The following PIKFYVE variants were observed in gnomAD, a reference collection of about 807,000 sequenced individuals.
PIKFYVE encodes 1-phosphatidylinositol 3-phosphate 5-kinase.
In PIKFYVE, 122 loss-of-function variants were observed where a neutral mutation model predicts 257.9. That is an observed-to-expected ratio of 0.47 (90% CI 0.41 to 0.55). The LOEUF (loss-of-function observed/expected upper bound fraction) is 0.55. PIKFYVE is among the 20% of genes least tolerant of loss of function. PIKFYVE has a pLI of 0.00. For missense variants in PIKFYVE, 2,160 were observed against 2,536.6 expected, an observed-to-expected ratio of 0.85 and a Z score of 3.19; for synonymous variants, 892 against 868.9, an observed-to-expected ratio of 1.03 and a Z score of -0.47.
chr2:208,297,930 G>T (rs932999743), intron 7 of PIKFYVE, among the ~76,000 whole-genome samples: 5 of 151,512 alleles, frequency 3.3e-5, no homozygotes, highest in Admixed American at 3.3e-4. Context: ...ATTATGAGAA[G>T]AAACAAATTT....
chr2:208,333,485 G>C lies in PIKFYVE; in HGVS notation c.4134G>C (p.Ala1378=). The C allele has an allele frequency of 6.2e-7, 1 of 1,613,414 alleles. No individual in the cohort carries two copies. The highest frequency in any genetic ancestry group is 8.5e-7 in the Non-Finnish European group (1 of 1,179,628). Reference sequence around the variant, plus strand: ...ATTTCTCCTATAACCAGATGGTGGCGTCTTTCAGGTAAGAAATCCTAGGAA... The same window carrying C: ...ATTTCTCCTATAACCAGATGGTGGCCTCTTTCAGGTAAGAAATCCTAGGAA... ...HQYFSYNQMV[A]SFSYSPIRLL... The change falls in exon 24 of 42, where the codon GCG becomes GCC. Residue 1378 remains alanine (A), a synonymous_variant. Transcript: ENST00000264380.
At chr2:208,299,065 C>T (rs1278957032) in intron 8 of PIKFYVE, among the ~76,000 whole-genome samples, 1 of 152,018 alleles carries the variant, frequency 6.6e-6, no homozygotes, top group Non-Finnish European at 1.5e-5. Context: ...GTCTCAAACT[C>T]CTGACCTCAA....
chr2:208,333,767 C>T lies in PIKFYVE; in HGVS notation c.4142+274C>T, dbSNP rs1414469999. Among the ~76,000 whole-genome samples the T allele has an allele frequency of 3.3e-5, 5 of 152,210 alleles. No individual in the cohort carries two copies. In the South Asian group the frequency reaches 8.3e-4, roughly 25 times the overall value. ...GTGGAGTAATGATTTGAACCTTGGT[C>T]GATCTACTACCAGCCTCACTCTTTT... is the stretch of plus-strand genomic sequence containing the variant. On this transcript the variant is annotated intron_variant, in intron 24 of 41. Coordinates refer to ENST00000264380, the MANE Select transcript of PIKFYVE (RefSeq NM_015040.4).
At chr2:208,351,638 G>A (rs143081382) in intron 38 of PIKFYVE, among the ~76,000 whole-genome samples, 183 bp downstream of exon 38, 14 of 152,226 alleles carry the variant, frequency 9.2e-5, no homozygotes, top group South Asian at 6.2e-4. Context: ...TAGTGCTGGC[G>A]GCGTCTGTTT....
Position 208,273,645 on chromosome 2 carries a change from G to T in PIKFYVE, c.234G>T (p.Gln78His). The T allele has an allele frequency of 6.2e-7, 1 of 1,614,128 alleles. No homozygotes were observed. Among genetic ancestry groups the T allele is most frequent in the Non-Finnish European group, 8.5e-7 (1 of 1,180,014 alleles). Reference sequence around the variant, plus strand: ...TGAGTGGAAGTTGGACCAGCCCTCAGCTCCCTTCGAGGACACAGTCTGTTA... The same window carrying T: ...TGAGTGGAAGTTGGACCAGCCCTCATCTCCCTTCGAGGACACAGTCTGTTA... ...QPLSGSWTSP[Q>H]LPSRTQSVRS... The change falls in exon 3 of 42, where the codon CAG (glutamine) becomes CAT (histidine). Residue 78 changes from glutamine to histidine, a missense_variant. By Grantham distance (24) the Gln-to-His change is conservative. Coordinates refer to ENST00000264380, the MANE Select transcript of PIKFYVE (RefSeq NM_015040.4).
intron 38 of PIKFYVE, among the ~76,000 whole-genome samples, chr2:208,352,273 T>A (rs567531510): frequency 6.6e-6 from 1 of 152,130 alleles, no homozygotes; most frequent in East Asian, 1.9e-4. Flanking sequence ...TGCCCACTTG[T>A]CATTGAGCAG....
rs1183876178 is a variant in PIKFYVE at position 208,325,777 on chromosome 2, A to G, written c.2966A>G (p.Asp989Gly). ...LLPLPVDDQQ[D>G]ALGSEQPETL... ...CCACTCCCTGTGGATGACCAACAAG[A>G]TGCTTTAGGCAGCGAGCAGCCAGAG... The change falls in exon 20 of 42, where the codon GAT becomes GGT. Residue 989 changes from aspartate (D) to glycine (G), a missense_variant. This residue lies in a region of PIKFYVE where 522 missense variants were observed against 514.6 expected (regional missense o/e 1.01). Coordinates refer to ENST00000264380, the MANE Select transcript of PIKFYVE (RefSeq NM_015040.4). 1.9e-6 allele frequency: 3 copies of G among 1,613,980 alleles called. No individual in the cohort carries two copies. Among genetic ancestry groups the G allele is most frequent in the South Asian group, 2.2e-5 (2 of 91,070 alleles).
At position 208,357,226 on chromosome 2, in the gene PIKFYVE, C is replaced by T. The variant is rs145673306; in HGVS notation, c.*1921C>T. On this transcript the variant is annotated 3_prime_UTR_variant, in exon 42 of 42. Transcript: ENST00000264380. ...TATTAACTTACTTTGTGTCTAGGAA[C>T]AATGGATTTTGTATCTGATTTAAAA... is the stretch of plus-strand genomic sequence containing the variant. 5 of 152,270 alleles carry T rather than the reference C, an allele frequency of 3.3e-5. No homozygotes were observed. The East Asian group carries it at 9.6e-4, about 29-fold the overall frequency. The allele number at this position is 152,270 out of a possible 1,614,324, so 9.4% of individuals were successfully genotyped here.
chr2:208,328,400 T>C, intron 21 of PIKFYVE, 120 bp downstream of exon 21: 1 of 1,190,540 alleles, frequency 8.4e-7, no homozygotes, highest in Admixed American at 1.9e-5. Context: ...ACACTGCTGG[T>C]CATATATGAA....
chr2:208,353,803 C>T (rs1457503383), intron 39 of PIKFYVE, 95 bp from the exon 40 acceptor site: 1 of 1,419,610 alleles, frequency 7.0e-7, no homozygotes, highest in African/African-American at 1.4e-5. Flanking sequence ...ATGGTAGTGA[C>T]TATAAGGAGT....
At chr2:208,332,935 A>T (rs1008779397) in intron 23 of PIKFYVE, among the ~76,000 whole-genome samples, 9 of 152,024 alleles carry the variant, frequency 5.9e-5, no homozygotes, top group African/African-American at 1.2e-4. Context: ...TTACGTTTGT[A>T]TTAGAAAAGA....
chr2:208,276,508 A>G (rs1278713788), intron 3 of PIKFYVE, among the ~76,000 whole-genome samples: 1 of 152,208 alleles, frequency 6.6e-6, no homozygotes, highest in Non-Finnish European at 1.5e-5. Flanking sequence ...ACTCGCTTGT[A>G]AAACAGCATT....
chr2:208,352,619 T>C (rs1410612233), intron 38 of PIKFYVE, 35 bp from the exon 39 acceptor site: 66 of 1,608,200 alleles, frequency 4.1e-5, no homozygotes, highest in Non-Finnish European at 5.5e-5. Flanking sequence ...ATAACCCTTT[T>C]TGATAAGAAT....
intron 2 of PIKFYVE, 24 bp downstream of exon 2, chr2:208,271,715 G>T: frequency 6.2e-7 from 1 of 1,600,506 alleles, no homozygotes; most frequent in Non-Finnish European, 8.6e-7. Context: ...AAGATAAGAG[G>T]TTTGATTCAG....
chr2:208,268,766 C>T (rs987459582), intron 1 of PIKFYVE, among the ~76,000 whole-genome samples: 5 of 151,902 alleles, frequency 3.3e-5, no homozygotes, highest in African/African-American at 9.7e-5. Flanking sequence ...CTTCCTCTTT[C>T]CTTCCCCTTC....
At position 208,356,672 on chromosome 2, in the gene PIKFYVE, AAAAG is replaced by A. The variant is rs1700179038; in HGVS notation, c.*1372_*1375del. 4 of 152,632 alleles carry A rather than the reference AAAAG, an allele frequency of 2.6e-5. No homozygotes were observed. Among genetic ancestry groups the A allele is most frequent in the African/African-American group, 4.8e-5 (2 of 41,444 alleles). The allele number at this position is 152,632 out of a possible 1,614,324, so 9.5% of individuals were successfully genotyped here. On this transcript the variant is annotated 3_prime_UTR_variant, in exon 42 of 42. Coordinates refer to ENST00000264380, the MANE Select transcript of PIKFYVE (RefSeq NM_015040.4). The stretch of plus-strand genomic sequence containing the variant: ...GTCTCAAAAAACAAAACGAAACAAA[AAAAG>A]AAAGTTATTCTTAGTAAGGAACTTC...
chr2:208,344,098 G>A (rs1161642364), intron 32 of PIKFYVE, among the ~76,000 whole-genome samples: 3 of 152,034 alleles, frequency 2.0e-5, no homozygotes, highest in East Asian at 1.9e-4. Context: ...GCTTACAGGC[G>A]TGAGCCACCG....
intron 28 of PIKFYVE, among the ~76,000 whole-genome samples, chr2:208,337,392 T>C (rs369624822): frequency 3.9e-5 from 6 of 152,206 alleles, no homozygotes; most frequent in African/African-American, 1.4e-4. Context: ...ATCCCAAACA[T>C]AGTGGCCAAA....
At chr2:208,351,970 G>T (rs2125820465) in intron 38 of PIKFYVE, among the ~76,000 whole-genome samples, 1 of 152,034 alleles carries the variant, frequency 6.6e-6, no homozygotes, top group Non-Finnish European at 1.5e-5. Flanking sequence ...TTTTCTCTGT[G>T]GTAAGATATA....
Sources: allele counts gnomAD v4.1 joint callset (sites outside exome capture counted in the v4.1 genomes callset), GRCh38; gene constraint gnomAD v4.1.1; regional missense constraint gnomAD v4.1.1; transcripts MANE v1.5; gene names NCBI Gene and HGNC (gene_info 2026-07-23, HGNC 2026-07-21).